The following CTTNBP2NL variants were observed in gnomAD, a reference collection of about 807,000 sequenced individuals.
CTTNBP2NL encodes the protein CTTNBP2 N-terminal like.
CTTNBP2NL carries 16 observed loss-of-function variants against 32.5 expected under a neutral mutation model. That is an observed-to-expected ratio of 0.49 (90% confidence interval 0.33 to 0.75). CTTNBP2NL has a LOEUF of 0.75. CTTNBP2NL is among the 30% of genes least tolerant of loss of function. CTTNBP2NL has a pLI of 0.02. For missense variants in CTTNBP2NL, 645 were observed against 756.0 expected (o/e 0.85, Z 1.72); for synonymous variants, 298 against 289.4 (o/e 1.03, Z -0.30).
In CTTNBP2NL at chr1:112,436,245, TC is replaced by T. The variant is rs1203014081; in HGVS notation, c.100-12696del. On this transcript the variant is annotated intron_variant, in intron 3 of 5. Transcript: ENST00000271277. ...GTCCATCCTTTTCTGTGAATATCTGTCATAGGACAAATGACTGACATCTTCA... is the reference window on the plus strand; with the variant it reads ...GTCCATCCTTTTCTGTGAATATCTGTATAGGACAAATGACTGACATCTTCA... 3.9e-5 allele frequency among the ~76,000 whole-genome samples: 6 copies of T among 152,166 alleles called. No homozygotes were observed. The East Asian group carries it at 1.2e-3, about 29-fold the overall frequency.
At chr1:112,413,365 C>T (rs1203989567) in intron 2 of CTTNBP2NL, among the ~76,000 whole-genome samples, 1 of 152,160 alleles carries the variant, frequency 6.6e-6, no homozygotes, top group East Asian at 1.9e-4. Context: ...TAGTGCCTTT[C>T]TTAAATTCTT....
intron 5 of CTTNBP2NL, 133 bp downstream of exon 5, chr1:112,454,689 T>G: frequency 1.4e-6 from 1 of 691,912 alleles, no homozygotes; most frequent in East Asian, 2.5e-5. Flanking sequence ...ACTACTGGAT[T>G]AAGCAAAGTT....
intron 2 of CTTNBP2NL, among the ~76,000 whole-genome samples, chr1:112,414,308 G>T (rs898076679): frequency 3.3e-5 from 5 of 152,016 alleles, no homozygotes; most frequent in Admixed American, 2.0e-4. Flanking sequence ...TGGTTGCAGT[G>T]AGCCGAAATC....
chr1:112,410,875 C>A (rs1460871575), intron 1 of CTTNBP2NL, among the ~76,000 whole-genome samples: 1 of 152,090 alleles, frequency 6.6e-6, no homozygotes, highest in East Asian at 1.9e-4. Context: ...CTGATCTTGT[C>A]CTTCAGAGTC....
rs1650431549 is a variant in CTTNBP2NL at position 112,458,060 on chromosome 1, AG to A, written c.*649del. 6.6e-6 allele frequency: 1 copy of A among 152,648 alleles called. No homozygotes were observed. The highest frequency in any genetic ancestry group is 2.4e-5 in the African/African-American group (1 of 41,464). 9.5% of individuals were successfully genotyped at this position (152,648 alleles called of 1,614,324 possible). A position where few individuals can be genotyped will look rare whatever the true frequency, so the allele number is the denominator to read the frequency against. On this transcript the variant is annotated 3_prime_UTR_variant, in exon 6 of 6. Transcript: ENST00000271277. ...CCTTGAGAAACCCTCCTGAGCACTA[AG>A]CAGTTGGGGTGCTGATTTTCTTGTA...
At chr1:112,450,660 T>C (rs1278319835) in intron 4 of CTTNBP2NL, among the ~76,000 whole-genome samples, 1 of 152,186 alleles carries the variant, frequency 6.6e-6, no homozygotes, top group Non-Finnish European at 1.5e-5. Flanking sequence ...TCTAGGTGAT[T>C]GGAGAGAGGA....
intron 2 of CTTNBP2NL, among the ~76,000 whole-genome samples, chr1:112,412,790 T>C (rs1280000253): frequency 6.6e-6 from 1 of 151,994 alleles, no homozygotes; most frequent in Non-Finnish European, 1.5e-5. Flanking sequence ...CTAATTTTTT[T>C]GTATTTTAAG....
At chr1:112,404,054 A>G (rs1183882531) in intron 1 of CTTNBP2NL, among the ~76,000 whole-genome samples, 1 of 152,222 alleles carries the variant, frequency 6.6e-6, no homozygotes, top group East Asian at 1.9e-4. Flanking sequence ...TACAGTATGT[A>G]TTGTTATGTC....
At chr1:112,415,437 G>A (rs1459869141) in intron 2 of CTTNBP2NL, among the ~76,000 whole-genome samples, 2 of 151,906 alleles carry the variant, frequency 1.3e-5, no homozygotes, top group Non-Finnish European at 2.9e-5. Context: ...ATACAGTTTT[G>A]GAAATTGGTT....
intron 3 of CTTNBP2NL, among the ~76,000 whole-genome samples, chr1:112,436,153 G>A (rs1649724073): frequency 1.4e-5 from 2 of 142,374 alleles, no homozygotes; most frequent in Non-Finnish European, 3.0e-5. Context: ...ATCCCCCTTT[G>A]TCTGTTTACT....
At chr1:112,417,792 A>G (rs1312616083) in intron 3 of CTTNBP2NL, among the ~76,000 whole-genome samples, 1 of 152,196 alleles carries the variant, frequency 6.6e-6, no homozygotes, top group African/African-American at 2.4e-5. Context: ...TAACTGCCAT[A>G]GCATTCTTTA....
upstream of CTTNBP2NL, among the ~76,000 whole-genome samples, chr1:112,394,138 G>A (rs12138024): frequency 0.29 from 43,983 of 151,270 alleles, 7,155 homozygotes; most frequent in East Asian, 0.41. Flanking sequence ...CCCAGAAGGC[G>A]GAGGTTGTAG....
At chr1:112,445,815 G>A (rs1231327802) in intron 3 of CTTNBP2NL, among the ~76,000 whole-genome samples, 4 of 152,254 alleles carry the variant, frequency 2.6e-5, no homozygotes, top group Non-Finnish European at 5.9e-5. Flanking sequence ...ATCACAGTGT[G>A]GGTTTTAAAA....
At chr1:112,434,551 CT>C (rs1250460421) in intron 3 of CTTNBP2NL, among the ~76,000 whole-genome samples, 1 of 152,202 alleles carries the variant, frequency 6.6e-6, no homozygotes, top group Non-Finnish European at 1.5e-5. Flanking sequence ...TGCTACTCAT[CT>C]TATATCCTAG....
At chr1:112,421,180 A>G (rs938723665) in intron 3 of CTTNBP2NL, among the ~76,000 whole-genome samples, 1 of 151,896 alleles carries the variant, frequency 6.6e-6, no homozygotes, top group African/African-American at 2.4e-5. Flanking sequence ...GCTTATGCCT[A>G]TTAATCCCAG....
intron 3 of CTTNBP2NL, among the ~76,000 whole-genome samples, chr1:112,434,272 A>G (rs1649662593): frequency 6.6e-6 from 1 of 152,052 alleles, no homozygotes; most frequent in African/African-American, 2.4e-5. Flanking sequence ...GTGCACCTAA[A>G]TATCCCGTAT....
At chr1:112,424,983 ATTT>A (rs1239412500) in intron 3 of CTTNBP2NL, among the ~76,000 whole-genome samples, 6 of 134,346 alleles carry the variant, frequency 4.5e-5, no homozygotes, top group Admixed American at 7.6e-5. Context: ...GCCCAGCTAA[ATTT>A]TTTTTTTTTT....
chr1:112,449,928 G>A (rs1650169273), intron 4 of CTTNBP2NL, among the ~76,000 whole-genome samples: 2 of 152,132 alleles, frequency 1.3e-5, no homozygotes, highest in Admixed American at 1.3e-4. Flanking sequence ...TGGAATTCTA[G>A]TGCTTGTGAA....
Position 112,456,528 on chromosome 1 carries a change from G to T in CTTNBP2NL, c.1036G>T (p.Ala346Ser). 6.2e-7 allele frequency: 1 copy of T among 1,614,168 alleles called. No individual in the cohort carries two copies. The highest frequency in any genetic ancestry group is 2.2e-5 in the East Asian group (1 of 44,878). ...TCCTGCCACTCCTGCTTACTCATAT[G>T]CAAAAACCAATGGCCATTGTGACCC... Reference protein sequence around the residue: ...PGPATPAYSYAKTNGHCDPEI... With the variant: ...PGPATPAYSYSKTNGHCDPEI... The change falls in exon 6 of 6, where the codon GCA becomes TCA. Residue 346 changes from alanine to serine, a missense_variant. By Grantham distance (99) the Ala-to-Ser change is moderately conservative. Transcript: ENST00000271277.
Sources: gnomAD v4.1 joint callset for allele counts (sites outside exome capture counted in the v4.1 genomes callset) on GRCh38, gnomAD v4.1.1 for gene constraint, MANE v1.5 for transcripts, NCBI Gene and HGNC (gene_info 2026-07-23, HGNC 2026-07-21) for gene names.